Variants in ST6GAL2 observed in about 807,000 individuals in gnomAD.
ST6GAL2 encodes ST6 beta-galactoside alpha-2,6-sialyltransferase 2, also known as beta-galactoside alpha-2,6-sialyltransferase 2.
A neutral mutation model predicts 37.5 loss-of-function variants in ST6GAL2; 24 were observed. The observed-to-expected ratio is 0.64, with a 90% CI of 0.46 to 0.90. ST6GAL2 has a LOEUF of 0.90. Among genes scored for constraint, ST6GAL2 ranks in the 40% least tolerant of loss-of-function variants. The probability of loss-of-function intolerance (pLI) is 0.00; values close to 1 mark genes in which losing one functional copy is unlikely to be tolerated. For synonymous variants in ST6GAL2, 306 were observed against 295.1 expected (o/e 1.04, Z -0.38); for missense variants, 715 against 712.7 (o/e 1.00, Z -0.04).
chr2:106,803,366 G>A lies in ST6GAL2; in HGVS notation c.*3312C>T, dbSNP rs910371696. 6.6e-6 allele frequency: 1 copy of A among 152,102 alleles called. No individual in the cohort carries two copies. Among genetic ancestry groups the A allele is most frequent in the African/African-American group, 2.4e-5 (1 of 41,418 alleles). 9.4% of individuals were successfully genotyped at this position (152,102 alleles called of 1,614,324 possible). On this transcript the variant is annotated 3_prime_UTR_variant, in exon 6 of 6. Coordinates refer to ENST00000409382, the MANE Select transcript of ST6GAL2 (RefSeq NM_001142351.2). ...TAAAAGCCCTCCCTTGCCCATCCAA[G>A]CCTGATGCTTACATGCAACTTTTAA...
rs747205074 is a variant in ST6GAL2, at chr2:106,843,703, C to G, written c.275G>C (p.Gly92Ala). The change falls in exon 2 of 6, where the codon GGG becomes GCG. Residue 92 changes from glycine (G) to alanine (A), a missense_variant. Coordinates refer to ENST00000409382, the MANE Select transcript of ST6GAL2 (RefSeq NM_001142351.2). ...GGCCCATTTCTGCAGGTCTCCAGGC[C>G]CCGCATGAAAGGAACCGGCTGGGTG... ...RAHPAGSFHAGPGDLQKWAQS... is the reference protein window; with the variant it reads ...RAHPAGSFHAAPGDLQKWAQS... 2.5e-6 allele frequency: 4 copies of G among 1,613,106 alleles called. No individual in the cohort carries two copies. Among genetic ancestry groups the G allele is most frequent in the Middle Eastern group, 1.7e-4 (1 of 6,060 alleles).
At position 106,843,725 on chromosome 2, in the gene ST6GAL2, G is replaced by A. The variant is rs1235891104; in HGVS notation, c.253C>T (p.Pro85Ser). 6.2e-7 allele frequency: 1 copy of A among 1,612,816 alleles called. No individual in the cohort carries two copies. The highest frequency in any genetic ancestry group is 2.2e-5 in the East Asian group (1 of 44,862). Residue 85 changes from proline to serine, a missense_variant, in exon 2 of 6, where the codon CCA becomes TCA. Physicochemically the swap from Pro to Ser is moderately conservative, Grantham distance 74. This residue lies in a region of ST6GAL2 where 512 missense variants were observed against 488.8 expected (regional missense o/e 1.05). Coordinates refer to ENST00000409382, the MANE Select transcript of ST6GAL2 (RefSeq NM_001142351.2). ...GGCCCCGCATGAAAGGAACCGGCTG[G>A]GTGGGCGCGGGGCAGCGCCTGGCGT... ...DARQALPRAH[P>S]AGSFHAGPGD...
At chr2:106,828,834 C>T (rs1401518605) in intron 5 of ST6GAL2, among the ~76,000 whole-genome samples, 2 of 151,130 alleles carry the variant, frequency 1.3e-5, no homozygotes, top group African/African-American at 4.9e-5. Flanking sequence ...ATATTACCCA[C>T]TCGGGTAATA....
At chr2:106,813,147 C>G (rs758726494) in intron 5 of ST6GAL2, 30 of 1,229,900 alleles carry the variant, frequency 2.4e-5, no homozygotes, top group Non-Finnish European at 3.1e-5. Context: ...GAGTCTCACT[C>G]TGTCGTCCAG....
chr2:106,839,918 A>C (rs537434739), intron 2 of ST6GAL2, among the ~76,000 whole-genome samples: 1 of 152,372 alleles, frequency 6.6e-6, no homozygotes, highest in East Asian at 1.9e-4. Context: ...ACACATTCAC[A>C]GTGGAAGTGT....
chr2:106,867,139 T>C (rs1195474645), intron 1 of ST6GAL2, among the ~76,000 whole-genome samples: 2 of 152,140 alleles, frequency 1.3e-5, no homozygotes, highest in African/African-American at 2.4e-5. Context: ...GGCACTTCTT[T>C]CCTGTTTTTT....
intron 5 of ST6GAL2, among the ~76,000 whole-genome samples, chr2:106,820,346 T>C (rs1351268872): frequency 1.3e-5 from 2 of 151,948 alleles, no homozygotes; most frequent in African/African-American, 4.8e-5. Context: ...TCAGATAAAA[T>C]AGACTTCCAG....
chr2:106,845,807 C>G (rs1287444564), intron 1 of ST6GAL2, among the ~76,000 whole-genome samples: 2 of 152,178 alleles, frequency 1.3e-5, no homozygotes, highest in Non-Finnish European at 2.9e-5. Context: ...TAAATAAGGA[C>G]AGGCTCAATG....
At chr2:106,829,994 T>C (rs1676353074) in intron 5 of ST6GAL2, 72 bp downstream of exon 5, 3 of 1,380,162 alleles carry the variant, frequency 2.2e-6, no homozygotes, top group Non-Finnish European at 2.1e-6. Context: ...ATAACACGAC[T>C]GTATATTTGT....
intron 1 of ST6GAL2, among the ~76,000 whole-genome samples, chr2:106,858,910 C>G (rs1439430338): frequency 2.0e-5 from 3 of 151,966 alleles, no homozygotes; most frequent in African/African-American, 7.2e-5. Context: ...GGAGGACAGC[C>G]AGATGGGCCC....
intron 1 of ST6GAL2, among the ~76,000 whole-genome samples, chr2:106,873,113 C>T (rs1441788315): frequency 6.6e-6 from 1 of 152,076 alleles, no homozygotes; most frequent in African/African-American, 2.4e-5. Context: ...TTCTAATGAC[C>T]CCAAATGCTC....
rs1463380863 is a variant in ST6GAL2, at chr2:106,805,167, T to C, written c.*1511A>G. The C allele has an allele frequency of 1.3e-5, 2 of 152,122 alleles. No homozygotes were observed. Among genetic ancestry groups the C allele is most frequent in the East Asian group, 3.9e-4 (2 of 5,186 alleles). The allele number at this position is 152,122 out of a possible 1,614,324, so 9.4% of individuals were successfully genotyped here. On this transcript the variant is annotated 3_prime_UTR_variant, in exon 6 of 6. Coordinates refer to ENST00000409382, the MANE Select transcript of ST6GAL2 (RefSeq NM_001142351.2). ...CTGAGAACAGTCTAGAAGAAACCAA[T>C]CCTGAAACAAAGAAAACTTTTCCAC... is the stretch of plus-strand genomic sequence containing the variant.
At chr2:106,813,030 A>AT (rs1675666813) in intron 5 of ST6GAL2, 3 of 1,227,736 alleles carry the variant, frequency 2.4e-6, no homozygotes, top group African/African-American at 1.6e-5. Context: ...GTTTTAATGT[A>AT]TTTTTTCAAG....
rs371811755 is a variant in ST6GAL2, at chr2:106,843,863, C to T, written c.115G>A (p.Val39Ile). ...TCCAGGAAGGAGAGGGAGCTGGGTA[C>T]AGGCTCAGCGGGGTTGCTGTCGGTG... is the stretch of plus-strand genomic sequence containing the variant. ...YFTDSNPAEP[V>I]PSSLSFLETR... The change falls in exon 2 of 6, where the codon GTA becomes ATA. Residue 39 changes from valine (V) to isoleucine (I), a missense_variant. By Grantham distance (29) the Val-to-Ile change is conservative (BLOSUM62 3). Around this residue, in one of 3 missense-constraint regions of ST6GAL2, gnomAD observed 512 missense variants for 488.8 expected, o/e 1.05. Coordinates refer to ENST00000409382, the MANE Select transcript of ST6GAL2 (RefSeq NM_001142351.2). The T allele has an allele frequency of 3.1e-6, 5 of 1,611,456 alleles. No homozygotes were observed. Among genetic ancestry groups the T allele is most frequent in the Non-Finnish European group, 4.2e-6 (5 of 1,179,814 alleles).
At position 106,804,829 on chromosome 2, in the gene ST6GAL2, G is replaced by A. The variant is rs1307212841; in HGVS notation, c.*1849C>T. The A allele has an allele frequency of 2.7e-5, 3 of 113,092 alleles. No individual in the cohort carries two copies. The highest frequency in any genetic ancestry group is 3.5e-5 in the African/African-American group (1 of 28,454). The allele number at this position is 113,092 out of a possible 1,614,324, so 7.0% of individuals were successfully genotyped here. ...TGCACTCTAGCCTGGGCGACAGAGC[G>A]AGAGACTGTCTCAAAAAAAAAAAAA... On this transcript the variant is annotated 3_prime_UTR_variant, in exon 6 of 6. Coordinates refer to ENST00000409382, the MANE Select transcript of ST6GAL2 (RefSeq NM_001142351.2).
At chr2:106,851,183 T>G (rs1052596872) in intron 1 of ST6GAL2, among the ~76,000 whole-genome samples, 1 of 152,244 alleles carries the variant, frequency 6.6e-6, no homozygotes, top group Non-Finnish European at 1.5e-5. Flanking sequence ...GACTACTTTT[T>G]TCTATTTCCA....
intron 5 of ST6GAL2, among the ~76,000 whole-genome samples, chr2:106,808,297 C>CA (rs1369724501): frequency 6.6e-6 from 1 of 152,124 alleles, no homozygotes; most frequent in African/African-American, 2.4e-5. Flanking sequence ...TAGAAGGAAA[C>CA]AGGAGAGGGG....
chr2:106,823,173 T>G (rs1361991109), intron 5 of ST6GAL2: 2 of 152,148 alleles, frequency 1.3e-5, no homozygotes, highest in Non-Finnish European at 2.9e-5. Flanking sequence ...ACAGGAAGAA[T>G]TTATTTGGTT....
At chr2:106,824,185 A>T (rs891370870) in intron 5 of ST6GAL2, among the ~76,000 whole-genome samples, 2 of 152,262 alleles carry the variant, frequency 1.3e-5, no homozygotes, top group Non-Finnish European at 1.5e-5. Flanking sequence ...TGCACTTTTA[A>T]GAAAAGGATT....
Sources: gnomAD v4.1 joint callset for allele counts (sites outside exome capture counted in the v4.1 genomes callset) on GRCh38, gnomAD v4.1.1 for gene constraint, gnomAD v4.1.1 regional missense constraint, MANE v1.5 for transcripts, NCBI Gene and HGNC (gene_info 2026-07-23, HGNC 2026-07-21) for gene names.